The following TBC1D15 variants were observed in gnomAD, a reference collection of about 807,000 sequenced individuals.
The protein encoded by TBC1D15 is TBC1 domain family member 15, also known as GAP for RAB7.
A neutral mutation model predicts 95.4 loss-of-function variants in TBC1D15; 39 were observed. That is an observed-to-expected ratio of 0.41 (90% CI 0.32 to 0.53). The LOEUF is 0.53. TBC1D15 is among the 20% of genes least tolerant of loss of function. The probability of loss-of-function intolerance (pLI) is 0.29; values close to 1 mark genes in which losing one functional copy is unlikely to be tolerated. For synonymous variants in TBC1D15, 258 were observed against 261.3 expected, an observed-to-expected ratio of 0.99 and a Z score of 0.12; for missense variants, 733 against 794.3, an observed-to-expected ratio of 0.92 and a Z score of 0.93.
At position 71,879,923 on chromosome 12, in the gene TBC1D15, A is replaced by G. The variant is rs76655783; in HGVS notation, c.205-546A>G. ...ATTAAATTTTTGATTTACTCAAACC[A>G]TATTGCATTTTAGACTTTTGGTTTT... On this transcript the variant is annotated intron_variant, in intron 3 of 16. Coordinates refer to ENST00000485960, the MANE Select transcript of TBC1D15 (RefSeq NM_001146213.3). Among the ~76,000 whole-genome samples, 138 of 152,308 alleles carry G rather than the reference A, an allele frequency of 9.1e-4. 1 individual carries two copies. The East Asian group carries it at 0.02, about 22-fold the overall frequency.
chr12:71,917,570 A>T lies in TBC1D15; in HGVS notation c.1402-128A>T, dbSNP rs1366652381. ...ACGTTAGATTTTTGGTTAGTTACGC[A>T]TTTTTTAAGATTACCAGTGTGGTAT... On this transcript the variant is annotated intron_variant, in intron 12 of 16. Coordinates refer to ENST00000485960, the MANE Select transcript of TBC1D15 (RefSeq NM_001146213.3). The T allele has an allele frequency of 7.5e-6, 4 of 531,028 alleles. No homozygotes were observed. In the East Asian group the frequency reaches 1.3e-4, roughly 17 times the overall value. 32.9% of individuals were successfully genotyped at this position (531,028 alleles called of 1,614,324 possible). A position where few individuals can be genotyped will look rare whatever the true frequency, so the allele number is the denominator to read the frequency against.
intron 5 of TBC1D15, among the ~76,000 whole-genome samples, chr12:71,888,194 A>G (rs1394334053): frequency 6.6e-6 from 1 of 152,220 alleles, no homozygotes; most frequent in Admixed American, 6.5e-5. Flanking sequence ...TATGAGAATC[A>G]GAGATGGGGA....
At chr12:71,903,949 C>T (rs372056141) in intron 10 of TBC1D15, among the ~76,000 whole-genome samples, 10 of 152,142 alleles carry the variant, frequency 6.6e-5, no homozygotes, top group Admixed American at 4.6e-4. Flanking sequence ...ACCAAACCCC[C>T]ATGACACACC....
intron 10 of TBC1D15, among the ~76,000 whole-genome samples, chr12:71,901,946 ACGTCCAAGC>A (rs1899489034): frequency 6.6e-6 from 1 of 152,194 alleles, no homozygotes; most frequent in Non-Finnish European, 1.5e-5. Flanking sequence ...TACACCAACA[ACGTCCAAGC>A]CGAGAGCCAA....
chr12:71,855,640 C>A (rs1888864854), intron 1 of TBC1D15, among the ~76,000 whole-genome samples: 1 of 140,114 alleles, frequency 7.1e-6, no homozygotes, highest in Admixed American at 7.5e-5. Context: ...TGCACTCCAG[C>A]CTGGGTGACA....
chr12:71,884,184 G>A (rs940822323), intron 4 of TBC1D15, among the ~76,000 whole-genome samples: 1 of 152,012 alleles, frequency 6.6e-6, no homozygotes, highest in Non-Finnish European at 1.5e-5. Flanking sequence ...TTTTATATCA[G>A]TATGCTTACT....
At chr12:71,885,101 G>A (rs1014899208) in intron 5 of TBC1D15, 80 bp downstream of exon 5, 9 of 1,394,792 alleles carry the variant, frequency 6.5e-6, no homozygotes, top group Admixed American at 5.7e-5. Flanking sequence ...ACTTGACCTT[G>A]GGCATCAGTG....
intron 1 of TBC1D15, among the ~76,000 whole-genome samples, chr12:71,858,683 T>TACA (rs1565956915): frequency 1.3e-5 from 2 of 151,388 alleles, no homozygotes; most frequent in African/African-American, 4.9e-5. Context: ...GCCTCCTGAA[T>TACA]AGCTGGGACT....
chr12:71,918,486 A>G lies in TBC1D15; in HGVS notation c.1537A>G (p.Arg513Gly). Residue 513 changes from arginine to glycine, a missense_variant, in exon 14 of 17, where the codon AGG becomes GGG. Coordinates refer to ENST00000485960, the MANE Select transcript of TBC1D15 (RefSeq NM_001146213.3). ...QDSGYLYFCF[R>G]WLLIRFKREF... Reference sequence around the variant, plus strand: ...CTCTGGATACCTTTATTTTTGCTTCAGGTGGCTTTTAATCAGATTCAAAAG... The same window carrying G: ...CTCTGGATACCTTTATTTTTGCTTCGGGTGGCTTTTAATCAGATTCAAAAG... 1 of 1,609,676 alleles carries G rather than the reference A, an allele frequency of 6.2e-7. No individual in the cohort carries two copies. The highest frequency in any genetic ancestry group is 8.5e-7 in the Non-Finnish European group (1 of 1,178,566).
At chr12:71,849,838 G>T in intron 1 of TBC1D15, 1 of 560,066 alleles carries the variant, frequency 1.8e-6, no homozygotes, top group Non-Finnish European at 3.5e-6. Flanking sequence ...TTGCCATTCT[G>T]TAGTAAAATG....
chr12:71,893,838 T>G (rs1897659848), intron 6 of TBC1D15, among the ~76,000 whole-genome samples: 2 of 152,044 alleles, frequency 1.3e-5, no homozygotes, highest in Non-Finnish European at 2.9e-5. Context: ...TGTAAAGTAA[T>G]GAGATGGTTT....
intron 1 of TBC1D15, among the ~76,000 whole-genome samples, chr12:71,863,222 C>T (rs770151265): frequency 1.1e-4 from 17 of 151,834 alleles, no homozygotes; most frequent in Non-Finnish European, 4.4e-5. Flanking sequence ...ACTAAAAATA[C>T]AAAAAATTAG....
chr12:71,847,425 G>A (rs1010530669), intron 1 of TBC1D15, among the ~76,000 whole-genome samples: 1 of 151,930 alleles, frequency 6.6e-6, no homozygotes, highest in South Asian at 2.1e-4. Context: ...GGCCAGGCAC[G>A]GTGGCTCACG....
In TBC1D15 at chr12:71,879,788, T is replaced by A. The variant is rs540659028; in HGVS notation, c.205-681T>A. Among the ~76,000 whole-genome samples the A allele has an allele frequency of 5.4e-3, 826 of 151,672 alleles. 8 individuals are homozygous for A. Among genetic ancestry groups the A allele is most frequent in the African/African-American group, 0.019 (793 of 41,538 alleles). On this transcript the variant is annotated intron_variant, in intron 3 of 16. Coordinates refer to ENST00000485960, the MANE Select transcript of TBC1D15 (RefSeq NM_001146213.3). The stretch of plus-strand genomic sequence containing the variant: ...GATATTTGTCTATTTCTAAATAAAT[T>A]AATAGGAGTTGTTTTGTAATCTGGA...
intron 5 of TBC1D15, among the ~76,000 whole-genome samples, chr12:71,891,797 A>C (rs1392219644): frequency 1.3e-5 from 2 of 152,090 alleles, no homozygotes; most frequent in Non-Finnish European, 2.9e-5. Flanking sequence ...TCTCCAGTTT[A>C]GTGGCCACTG....
intron 10 of TBC1D15, among the ~76,000 whole-genome samples, chr12:71,905,905 C>G (rs1008567349): frequency 1.3e-5 from 2 of 152,056 alleles, no homozygotes; most frequent in Non-Finnish European, 2.9e-5. Flanking sequence ...CAGAGTCTCA[C>G]TCTGTGACCC....
At chr12:71,910,820 A>C (rs1902063347) in intron 11 of TBC1D15, among the ~76,000 whole-genome samples, 1 of 152,226 alleles carries the variant, frequency 6.6e-6, no homozygotes, top group African/African-American at 2.4e-5. Context: ...GGAAACTACC[A>C]TCAGAGTGAA....
intron 8 of TBC1D15, 188 bp from the exon 9 acceptor site, chr12:71,896,489 C>T: frequency 1.7e-6 from 1 of 588,974 alleles, no homozygotes; most frequent in Non-Finnish European, 3.0e-6. Flanking sequence ...ACTGTTTAAA[C>T]TTTCTGGCAG....
chr12:71,852,023 C>T (rs1249980645), intron 1 of TBC1D15, among the ~76,000 whole-genome samples: 1 of 152,252 alleles, frequency 6.6e-6, no homozygotes, highest in Non-Finnish European at 1.5e-5. Context: ...GGACTCTGCC[C>T]CTGCATCAGG....
Sources: allele counts gnomAD v4.1 joint callset (sites outside exome capture counted in the v4.1 genomes callset), GRCh38; gene constraint gnomAD v4.1.1; transcripts MANE v1.5; gene names NCBI Gene and HGNC (gene_info 2026-07-23, HGNC 2026-07-21).